The following HDAC9 variants were observed in gnomAD, a reference collection of about 807,000 sequenced individuals.
The protein encoded by HDAC9 is MEF-2 interacting transcription repressor (MITR) protein.
HDAC9 carries 41 observed loss-of-function variants against 139.4 expected under a neutral mutation model. The observed-to-expected ratio is 0.29, with a 90% CI of 0.23 to 0.38. The LOEUF is 0.38. Ranked by LOEUF, HDAC9 falls within the 10% of genes least tolerant of loss-of-function variation. The pLI, the probability that HDAC9 is intolerant of heterozygous loss-of-function variation, is 1.00. For synonymous variants in HDAC9, 517 were observed against 476.2 expected (o/e 1.09, Z -1.12); for missense variants, 1,147 against 1,297.0 (o/e 0.88, Z 1.78).
Position 18,666,322 on chromosome 7 carries a change from G to A in HDAC9, c.1577G>A (p.Ser526Asn). 6.2e-7 allele frequency: 1 copy of A among 1,613,432 alleles called. No individual in the cohort carries two copies. Among genetic ancestry groups the A allele is most frequent in the Non-Finnish European group, 8.5e-7 (1 of 1,179,612 alleles). ...ATGCAGGAAGACAGAGCGCCCTCTA[G>A]TGGCAACAGCACTAGGAGCGACAGC... ...QAMQEDRAPS[S>N]GNSTRSDSSA... The change falls in exon 12 of 26, where the codon AGT (serine) becomes AAT (asparagine). Residue 526 changes from serine to asparagine, a missense_variant. Around this residue, in one of 7 missense-constraint regions of HDAC9, gnomAD observed 256 missense variants for 219.2 expected, o/e 1.17. Coordinates refer to ENST00000686413, the MANE Select transcript of HDAC9 (RefSeq NM_178425.4).
chr7:18,945,293 T>C (rs1455825693), intron 23 of HDAC9, among the ~76,000 whole-genome samples: 2 of 152,232 alleles, frequency 1.3e-5, no homozygotes, highest in East Asian at 1.9e-4. Flanking sequence ...AAAGCAGTTC[T>C]TCATCTATTT....
At chr7:18,668,795 C>T (rs1024750687) in intron 12 of HDAC9, 25 of 982,264 alleles carry the variant, frequency 2.5e-5, no homozygotes, top group African/African-American at 1.6e-4. Context: ...CCCTTCTTGC[C>T]TTCTGTTATA....
At position 18,300,520 on chromosome 7, in the gene HDAC9, TA is replaced by T. The variant is rs540522943; in HGVS notation, c.-42+10016del. ...ATAATGCCTAGTCTCTGCATATAAG[TA>T]AAAAAAAAAAGCAGTTTAACAATAT... On this transcript the variant is annotated intron_variant, in intron 1 of 3. Transcript: ENST00000413509. Among the ~76,000 whole-genome samples, 362 of 143,870 alleles carry T rather than the reference TA, an allele frequency of 2.5e-3. 1 individual carries two copies. Among genetic ancestry groups the T allele is most frequent in the African/African-American group, 6.9e-3 (272 of 39,416 alleles). The allele number at this position is 143,870 out of a possible 152,430, so 94.4% of individuals were successfully genotyped here.
chr7:18,699,677 T>G (rs984357881), intron 12 of HDAC9, among the ~76,000 whole-genome samples: 1 of 152,142 alleles, frequency 6.6e-6, no homozygotes, highest in African/African-American at 2.4e-5. Flanking sequence ...CTACATTTCT[T>G]GATTTTTCCT....
chr7:18,500,383 A>C (rs962465113), intron 2 of HDAC9, among the ~76,000 whole-genome samples: 1 of 152,280 alleles, frequency 6.6e-6, no homozygotes. Context: ...CCTGTCACCC[A>C]ATATATTCAA....
chr7:18,885,436 G>A (rs553660052), intron 22 of HDAC9, among the ~76,000 whole-genome samples: 359 of 152,222 alleles, frequency 2.4e-3, no homozygotes, highest in African/African-American at 8.2e-3. Context: ...TATATACATA[G>A]TACCTTTGTG....
chr7:18,418,619 A>C (rs761631274), intron 1 of HDAC9, among the ~76,000 whole-genome samples: 9 of 152,168 alleles, frequency 5.9e-5, no homozygotes, highest in Admixed American at 2.0e-4. Flanking sequence ...TTTTTCACAA[A>C]ACTAAATTTA....
intron 12 of HDAC9, 35 bp from the exon 13 acceptor site, chr7:18,727,545 C>T (rs755776221): frequency 2.1e-5 from 33 of 1,546,800 alleles, no homozygotes; most frequent in Non-Finnish European, 2.5e-5. Flanking sequence ...CCTTGTCTCA[C>T]ATTTCTTTCT....
chr7:18,194,796 T>G (rs1790614441), intron 2 of HDAC9, among the ~76,000 whole-genome samples: 1 of 152,212 alleles, frequency 6.6e-6, no homozygotes, highest in South Asian at 2.1e-4. Flanking sequence ...TGTTATTTAA[T>G]CTACTGGTGT....
At chr7:18,596,609 A>G (rs981877055) in intron 6 of HDAC9, among the ~76,000 whole-genome samples, 2 of 152,174 alleles carry the variant, frequency 1.3e-5, no homozygotes, top group African/African-American at 4.8e-5. Flanking sequence ...TGTTTAAGAT[A>G]GCTTGTGTAA....
chr7:18,318,556 T>G (rs1359992450), intron 1 of HDAC9, among the ~76,000 whole-genome samples: 3 of 152,040 alleles, frequency 2.0e-5, no homozygotes, highest in Non-Finnish European at 4.4e-5. Flanking sequence ...TAAAGTGGAG[T>G]GGGGCCTCAG....
intron 2 of HDAC9, among the ~76,000 whole-genome samples, chr7:18,252,153 A>G (rs978412785): frequency 5.9e-5 from 9 of 152,306 alleles, no homozygotes; most frequent in African/African-American, 2.2e-4. Flanking sequence ...TCAGTAGAGA[A>G]GTTGGGACAA....
intron 22 of HDAC9, among the ~76,000 whole-genome samples, chr7:18,918,255 A>G (rs1381809483): frequency 2.6e-5 from 4 of 151,660 alleles, no homozygotes; most frequent in Non-Finnish European, 5.9e-5. Context: ...CAGAGGGAGA[A>G]TGGAGTGCTG....
At chr7:18,640,357 TAAAAAA>T (rs56655676) in intron 8 of HDAC9, among the ~76,000 whole-genome samples, 5 of 66,082 alleles carry the variant, frequency 7.6e-5, no homozygotes, top group Admixed American at 2.2e-4. Flanking sequence ...GATCCTGTCT[TAAAAAA>T]AAAAAAAAAA....
At chr7:18,100,595 T>G (rs1440536656) in intron 1 of HDAC9, among the ~76,000 whole-genome samples, 1 of 152,222 alleles carries the variant, frequency 6.6e-6, no homozygotes, top group Non-Finnish European at 1.5e-5. Flanking sequence ...TTTTCATCTC[T>G]TGAAGTTCAA....
chr7:18,240,944 A>G (rs2128189860), intron 2 of HDAC9, among the ~76,000 whole-genome samples: 1 of 152,226 alleles, frequency 6.6e-6, no homozygotes, highest in South Asian at 2.1e-4. Context: ...TCACTGCATC[A>G]TTGAGACCTT....
intron 6 of HDAC9, among the ~76,000 whole-genome samples, chr7:18,597,299 T>A (rs1832771578): frequency 6.6e-6 from 1 of 152,162 alleles, no homozygotes; most frequent in Non-Finnish European, 1.5e-5. Context: ...TGTTTTTAAT[T>A]TTTATATGCA....
At chr7:18,262,428 A>G (rs555987319) in intron 2 of HDAC9, among the ~76,000 whole-genome samples, 1 of 152,334 alleles carries the variant, frequency 6.6e-6, no homozygotes, top group African/African-American at 2.4e-5. Flanking sequence ...GCATTTCCAG[A>G]TAAACATAAC....
At chr7:18,280,881 A>G (rs1584984595) in intron 2 of HDAC9, among the ~76,000 whole-genome samples, 1 of 152,246 alleles carries the variant, frequency 6.6e-6, no homozygotes, top group Admixed American at 6.5e-5. Flanking sequence ...GGCATTATTT[A>G]TCATGAGCAC....
Sources: gnomAD v4.1 joint callset for allele counts (sites outside exome capture counted in the v4.1 genomes callset) on GRCh38, gnomAD v4.1.1 for gene constraint, gnomAD v4.1.1 regional missense constraint, MANE v1.5 for transcripts, NCBI Gene and HGNC (gene_info 2026-07-23, HGNC 2026-07-21) for gene names.